DOK6: variants seen among roughly 807,000 people sequenced by gnomAD.
The protein encoded by DOK6 is downstream of tyrosine kinase 6.
In DOK6, 22 loss-of-function variants were observed where a neutral mutation model predicts 44.0. The observed-to-expected ratio is 0.50, with a 90% CI of 0.36 to 0.71. DOK6 has a LOEUF of 0.71. Among genes scored for constraint, DOK6 ranks in the 30% least tolerant of loss-of-function variants. The pLI is 0.00. For synonymous variants in DOK6, 166 were observed against 145.5 expected (o/e 1.14, Z -1.01); for missense variants, 340 against 416.4 (o/e 0.82, Z 1.60).
chr18:69,440,753 AACACACAC>A (rs55904998), intron 1 of DOK6, among the ~76,000 whole-genome samples: 3 of 149,924 alleles, frequency 2.0e-5, no homozygotes, highest in African/African-American at 4.9e-5. Flanking sequence ...TACACACACA[AACACACAC>A]ACACACACAC....
rs983154927 is a variant in DOK6, at chr18:69,484,273, T to C, written c.67-80214T>C. 4.6e-5 allele frequency among the ~76,000 whole-genome samples: 7 copies of C among 152,276 alleles called. 1 individual carries two copies. Among genetic ancestry groups the C allele is most frequent in the Middle Eastern group, 3.4e-3 (1 of 294 alleles). On this transcript the variant is annotated intron_variant, in intron 1 of 7. Coordinates refer to ENST00000382713, the MANE Select transcript of DOK6 (RefSeq NM_152721.6). ...ACGTATATGTCTTTAAAAGACTCAA[T>C]GCTTTCTTTGCTTTAAGTAACTAAG...
intron 6 of DOK6, 177 bp downstream of exon 6, chr18:69,739,280 G>A (rs775049901): frequency 1.3e-6 from 1 of 793,936 alleles, no homozygotes; most frequent in Non-Finnish European, 1.8e-6. Flanking sequence ...TGTCAAAAAA[G>A]AAGTTATTGT....
At chr18:69,725,766 C>G (rs62090460) in intron 5 of DOK6, among the ~76,000 whole-genome samples, 21,853 of 152,238 alleles carry the variant, frequency 0.14, 1,661 homozygotes, top group Middle Eastern at 0.23. Context: ...GGATTACACG[C>G]ATGAGCCACC....
At chr18:69,574,155 C>T (rs1039632805) in intron 2 of DOK6, among the ~76,000 whole-genome samples, 1 of 151,902 alleles carries the variant, frequency 6.6e-6, no homozygotes, top group Non-Finnish European at 1.5e-5. Context: ...CTTTGTGAGA[C>T]ACTATGTGTA....
At chr18:69,572,429 A>G (rs1278606625) in intron 2 of DOK6, among the ~76,000 whole-genome samples, 2 of 152,072 alleles carry the variant, frequency 1.3e-5, no homozygotes, top group Non-Finnish European at 2.9e-5. Flanking sequence ...TTAAATTTCA[A>G]ATGTCTATTA....
chr18:69,808,514 T>C (rs369836733), intron 7 of DOK6, among the ~76,000 whole-genome samples: 1 of 151,694 alleles, frequency 6.6e-6, no homozygotes, highest in Non-Finnish European at 1.5e-5. Context: ...TTTTGAAAGA[T>C]AAACAAAATC....
chr18:69,410,434 T>C (rs936888536), intron 1 of DOK6, among the ~76,000 whole-genome samples: 2 of 152,240 alleles, frequency 1.3e-5, no homozygotes, highest in Admixed American at 6.5e-5. Flanking sequence ...ATATGTAACA[T>C]GCTAGACTCC....
chr18:69,679,461 C>A (rs931063218), intron 4 of DOK6, among the ~76,000 whole-genome samples: 1 of 152,190 alleles, frequency 6.6e-6, no homozygotes, highest in Non-Finnish European at 1.5e-5. Flanking sequence ...TTCTGTAGCT[C>A]TTTATCTAGC....
At chr18:69,710,143 C>T (rs1986725320) in intron 5 of DOK6, among the ~76,000 whole-genome samples, 1 of 152,156 alleles carries the variant, frequency 6.6e-6, no homozygotes, top group African/African-American at 2.4e-5. Flanking sequence ...CATGCCACTG[C>T]ACTCTAGCCT....
intron 7 of DOK6, among the ~76,000 whole-genome samples, chr18:69,808,654 AGAACAATTATACACC>A (rs1422070770): frequency 4.6e-5 from 7 of 151,826 alleles, no homozygotes; most frequent in Non-Finnish European, 1.0e-4. Flanking sequence ...AGACACTGCT[AGAACAATTATACACC>A]AACAAATTGG....
At chr18:69,559,814 C>T (rs1322493768) in intron 1 of DOK6, among the ~76,000 whole-genome samples, 1 of 152,116 alleles carries the variant, frequency 6.6e-6, no homozygotes, top group Non-Finnish European at 1.5e-5. Context: ...CACATGGCCA[C>T]ATTCTCACTG....
At chr18:69,541,913 C>G (rs1982279012) in intron 1 of DOK6, among the ~76,000 whole-genome samples, 1 of 151,456 alleles carries the variant, frequency 6.6e-6, no homozygotes, top group Non-Finnish European at 1.5e-5. Flanking sequence ...AGAGAGCTAT[C>G]TGTGACAGAC....
chr18:69,494,908 C>G (rs768763202), intron 1 of DOK6, among the ~76,000 whole-genome samples: 1 of 152,204 alleles, frequency 6.6e-6, no homozygotes, highest in Non-Finnish European at 1.5e-5. Context: ...GGGCTCATTG[C>G]ACCCACTTAG....
intron 1 of DOK6, among the ~76,000 whole-genome samples, chr18:69,408,075 G>A (rs1978292215): frequency 1.3e-5 from 2 of 152,240 alleles, no homozygotes; most frequent in Middle Eastern, 3.4e-3. Flanking sequence ...CAAATCAGCT[G>A]GAGTTATTGA....
intron 2 of DOK6, 49 bp downstream of exon 2, chr18:69,564,643 A>T (rs1246523642): frequency 1.4e-6 from 2 of 1,412,522 alleles, no homozygotes; most frequent in Non-Finnish European, 1.9e-6. Context: ...GCCCTTGAAG[A>T]CTTGTGGAGA....
intron 1 of DOK6, among the ~76,000 whole-genome samples, chr18:69,518,902 C>G (rs1981610510): frequency 6.6e-6 from 1 of 151,920 alleles, no homozygotes; most frequent in Non-Finnish European, 1.5e-5. Flanking sequence ...ACTGACAAAC[C>G]TGATGGTGGT....
rs764142428 is a variant in DOK6, at chr18:69,555,152, T to C, written c.67-9335T>C. Reference sequence around the variant, plus strand: ...CCGCTTATTTTATCTTACAATAATGTTTTGTGTCTTATTTTTCTCTACTTT... The same window carrying C: ...CCGCTTATTTTATCTTACAATAATGCTTTGTGTCTTATTTTTCTCTACTTT... On this transcript the variant is annotated intron_variant, in intron 1 of 7. Coordinates refer to ENST00000382713, the MANE Select transcript of DOK6 (RefSeq NM_152721.6). Among the ~76,000 whole-genome samples, 139 of 152,294 alleles carry C rather than the reference T, an allele frequency of 9.1e-4. 1 individual carries two copies. The highest frequency in any genetic ancestry group is 1.7e-3 in the Non-Finnish European group (118 of 68,010).
intron 3 of DOK6, among the ~76,000 whole-genome samples, chr18:69,654,758 T>C (rs550626739): frequency 1.8e-4 from 28 of 152,286 alleles, no homozygotes; most frequent in African/African-American, 6.5e-4. Flanking sequence ...GTTGAGGCCC[T>C]TTAAAGAATT....
Position 69,559,829 on chromosome 18 carries a change from C to T in DOK6, c.67-4658C>T, listed in dbSNP as rs543500115. ...CACATGGCCACATTCTCACTGTGTG[C>T]TCATGTGACCTCTTCCTTGTGAGTA... On this transcript the variant is annotated intron_variant, in intron 1 of 7. Transcript: ENST00000382713. Among the ~76,000 whole-genome samples the T allele has an allele frequency of 1.8e-4, 27 of 152,186 alleles. 1 individual carries two copies. In the South Asian group the frequency reaches 5.6e-3, roughly 32 times the overall value.
Sources: allele counts gnomAD v4.1 joint callset (sites outside exome capture counted in the v4.1 genomes callset), GRCh38; gene constraint gnomAD v4.1.1; transcripts MANE v1.5; gene names NCBI Gene and HGNC (gene_info 2026-07-23, HGNC 2026-07-21).